Variants in STK32B observed in about 807,000 individuals in gnomAD.
STK32B encodes serine/threonine kinase 32B.
A neutral mutation model predicts 52.6 loss-of-function variants in STK32B; 43 were observed. That is an observed-to-expected ratio of 0.82 (90% CI 0.64 to 1.05). STK32B has a LOEUF of 1.05. Ranked by LOEUF, STK32B falls within the 50% of genes least tolerant of loss-of-function variation. The pLI is 0.00. For synonymous variants in STK32B, 238 were observed against 204.3 expected (o/e 1.17, Z -1.41); for missense variants, 621 against 534.6 (o/e 1.16, Z -1.59).
At chr4:5,158,782 C>A (rs754431051) in intron 2 of STK32B, among the ~76,000 whole-genome samples, 13 of 152,086 alleles carry the variant, frequency 8.5e-5, no homozygotes, top group Non-Finnish European at 1.6e-4. Flanking sequence ...GTCTCTGTCC[C>A]GATCCCTCTT....
At chr4:5,324,697 C>T (rs1400284620) in intron 3 of STK32B, among the ~76,000 whole-genome samples, 1 of 152,164 alleles carries the variant, frequency 6.6e-6, no homozygotes, top group Non-Finnish European at 1.5e-5. Context: ...CCCAGGGGAG[C>T]AAAACTGCTC....
intron 1 of STK32B, among the ~76,000 whole-genome samples, chr4:5,102,818 C>G (rs1713883056): frequency 6.7e-6 from 1 of 148,754 alleles, no homozygotes; most frequent in Non-Finnish European, 1.5e-5. Context: ...GCTGGGATTA[C>G]AGGCGTGAGT....
At chr4:5,405,156 G>A (rs1255456193) in intron 5 of STK32B, among the ~76,000 whole-genome samples, 1 of 151,744 alleles carries the variant, frequency 6.6e-6, no homozygotes, top group Non-Finnish European at 1.5e-5. Context: ...TAAGAAATAG[G>A]CTAGGATGTG....
At chr4:5,077,292 C>G (rs1254045625) in intron 1 of STK32B, among the ~76,000 whole-genome samples, 1 of 152,022 alleles carries the variant, frequency 6.6e-6, no homozygotes, top group Admixed American at 6.6e-5. Context: ...ATCCCACTAC[C>G]TTGTCTATCT....
In STK32B at chr4:5,254,965, A is replaced by AATATATAT. The variant is rs146017036; in HGVS notation, c.261-76250_261-76243dup. ...TTATTACTAGTTGGTATCATTCACT[A>AATATATAT]ATATATATATATGTTTATTGAGCAT... is the stretch of plus-strand genomic sequence containing the variant. On this transcript the variant is annotated intron_variant, in intron 3 of 11. Transcript: ENST00000282908. 7.0e-4 allele frequency among the ~76,000 whole-genome samples: 101 copies of AATATATAT among 144,408 alleles called. 5 individuals are homozygous for AATATATAT. The highest frequency in any genetic ancestry group is 7.2e-3 in the Middle Eastern group (2 of 278). The allele number at this position is 144,408 out of a possible 152,430, so 94.7% of individuals were successfully genotyped here.
intron 3 of STK32B, among the ~76,000 whole-genome samples, chr4:5,265,143 T>C (rs1726978722): frequency 1.3e-5 from 2 of 152,322 alleles, no homozygotes; most frequent in African/African-American, 4.8e-5. Flanking sequence ...AGATAATCAG[T>C]TGTTCCAGTC....
intron 4 of STK32B, among the ~76,000 whole-genome samples, chr4:5,348,489 G>A (rs1733611347): frequency 6.6e-6 from 1 of 152,180 alleles, no homozygotes. Flanking sequence ...GGAGCAACTG[G>A]CAGTGACACC....
the STK32B span, among the ~76,000 whole-genome samples, chr4:5,038,380 C>T: frequency 8.5e-5 from 13 of 152,214 alleles, no homozygotes; most frequent in Non-Finnish European, 1.2e-4. Flanking sequence ...TGCTTAATGA[C>T]GGGGATACAT....
At chr4:5,099,454 G>GCGTGTGCGCGCA (rs1553823531) in intron 1 of STK32B, among the ~76,000 whole-genome samples, 2 of 129,744 alleles carry the variant, frequency 1.5e-5, no homozygotes, top group African/African-American at 5.1e-5. Flanking sequence ...GTGTGTGCGC[G>GCGTGTGCGCGCA]CGCGCGTATG....
chr4:5,452,603 T>G (rs1716109140), intron 7 of STK32B, among the ~76,000 whole-genome samples: 1 of 152,142 alleles, frequency 6.6e-6, no homozygotes. Context: ...TTAAATTGCC[T>G]AAGGAACTGT....
chr4:5,175,195 C>A (rs191018883), intron 3 of STK32B, among the ~76,000 whole-genome samples: 6 of 152,026 alleles, frequency 3.9e-5, no homozygotes, highest in Admixed American at 3.3e-4. Flanking sequence ...TCTAGTTAGC[C>A]ATTCGTCTAA....
intron 3 of STK32B, among the ~76,000 whole-genome samples, chr4:5,299,178 G>A (rs1315468481): frequency 6.6e-6 from 1 of 151,948 alleles, no homozygotes; most frequent in Admixed American, 6.6e-5. Context: ...AGTTGGAAAT[G>A]CAGAAATTAC....
rs958051742 is a variant in STK32B, at chr4:5,175,354, G to A, written c.260+6904G>A. Among the ~76,000 whole-genome samples the A allele has an allele frequency of 3.9e-5, 6 of 152,258 alleles. No homozygotes were observed. In the South Asian group the frequency reaches 6.2e-4, roughly 16 times the overall value. ...TGTTCCATTGCTGGTGAGGAGCTGC[G>A]TTCCTTTGGAGGAGAAGAGGCACTC... On this transcript the variant is annotated intron_variant, in intron 3 of 11. Transcript: ENST00000282908.
chr4:5,207,046 A>G (rs879882359), intron 3 of STK32B, among the ~76,000 whole-genome samples: 3 of 152,118 alleles, frequency 2.0e-5, no homozygotes, highest in African/African-American at 7.2e-5. Flanking sequence ...AGTGCCATAC[A>G]TTTTAGTAAG....
chr4:5,438,788 T>C (rs1419215538), intron 6 of STK32B, among the ~76,000 whole-genome samples: 1 of 152,184 alleles, frequency 6.6e-6, no homozygotes, highest in Admixed American at 6.5e-5. Context: ...GAGTATGATA[T>C]TCCCCTTCCT....
At position 5,102,426 on chromosome 4, in the gene STK32B, CTCCTTCCTTGCT is replaced by C. The variant is rs1244478071; in HGVS notation, c.53-37469_53-37458del. On this transcript the variant is annotated intron_variant, in intron 1 of 11. Transcript: ENST00000282908. ...GGACAAAGTTCTTTCTTTCCTTCTTCTCCTTCCTTGCTTCCTTCCTTCCTTCCTTCCTTCCTT... is the reference window on the plus strand; with the variant it reads ...GGACAAAGTTCTTTCTTTCCTTCTTCTCCTTCCTTCCTTCCTTCCTTCCTT... Among the ~76,000 whole-genome samples, 147 of 144,488 alleles carry C rather than the reference CTCCTTCCTTGCT, an allele frequency of 1.0e-3. 1 individual carries two copies. Among genetic ancestry groups the C allele is most frequent in the African/African-American group, 3.5e-3 (137 of 38,954 alleles). 94.8% of individuals were successfully genotyped at this position (144,488 alleles called of 152,430 possible).
At chr4:5,248,450 G>A (rs747573113) in intron 3 of STK32B, among the ~76,000 whole-genome samples, 21 of 152,136 alleles carry the variant, frequency 1.4e-4, no homozygotes, top group Non-Finnish European at 2.4e-4. Context: ...AAAGAAACAC[G>A]TATTTCCATT....
intron 4 of STK32B, among the ~76,000 whole-genome samples, chr4:5,358,276 G>C (rs183038330): frequency 1.3e-5 from 2 of 152,318 alleles, no homozygotes; most frequent in African/African-American, 4.8e-5. Flanking sequence ...TGAAATCTGA[G>C]AGCAGAATAT....
the STK32B span, among the ~76,000 whole-genome samples, chr4:5,020,927 G>A: frequency 6.6e-6 from 1 of 152,312 alleles, no homozygotes; most frequent in Admixed American, 6.5e-5. Flanking sequence ...GAGCCCTGGA[G>A]CTATGTCTGG....
Sources: allele counts gnomAD v4.1 joint callset (sites outside exome capture counted in the v4.1 genomes callset), GRCh38; gene constraint gnomAD v4.1.1; transcripts MANE v1.5; gene names NCBI Gene and HGNC (gene_info 2026-07-23, HGNC 2026-07-21).